AFF3: variants seen among roughly 807,000 people sequenced by gnomAD.
AFF3 encodes the protein AF4/FMR2 family member 3.
A neutral mutation model predicts 129.7 loss-of-function variants in AFF3; 32 were observed. The ratio of observed to expected loss-of-function variants is 0.25; its 90% CI spans 0.19 to 0.33. The LOEUF (loss-of-function observed/expected upper bound fraction) is 0.33, where lower values mean the gene tolerates loss of function less well. Among genes scored for constraint, AFF3 ranks in the 10% least tolerant of loss-of-function variants. AFF3 has a pLI of 1.00. For missense variants in AFF3, 1,373 were observed against 1,592.0 expected, an observed-to-expected ratio of 0.86 and a Z score of 2.34; for synonymous variants, 644 against 635.4, an observed-to-expected ratio of 1.01 and a Z score of -0.20.
intron 4 of AFF3, among the ~76,000 whole-genome samples, chr2:100,021,511 T>C (rs1683600288): frequency 1.3e-5 from 2 of 152,250 alleles, no homozygotes; most frequent in South Asian, 4.1e-4. Context: ...TCCTGAGTCC[T>C]ACATTTTATT....
chr2:99,762,326 T>C (rs1682685044), intron 8 of AFF3, among the ~76,000 whole-genome samples: 1 of 152,116 alleles, frequency 6.6e-6, no homozygotes, highest in Non-Finnish European at 1.5e-5. Flanking sequence ...GGTTTCACCA[T>C]GTTGGCCAGG....
At chr2:100,090,978 C>T (rs1689809292) in intron 4 of AFF3, among the ~76,000 whole-genome samples, 1 of 152,216 alleles carries the variant, frequency 6.6e-6, no homozygotes, top group African/African-American at 2.4e-5. Context: ...GCGTGAGCCA[C>T]CACGCCCAGC....
At chr2:99,795,596 A>G (rs889438978) in intron 8 of AFF3, among the ~76,000 whole-genome samples, 1 of 152,136 alleles carries the variant, frequency 6.6e-6, no homozygotes, top group African/African-American at 2.4e-5. Flanking sequence ...TGATCACAGG[A>G]AAACTAGCAC....
At chr2:99,880,933 C>T (rs1216879007) in intron 7 of AFF3, among the ~76,000 whole-genome samples, 5 of 152,166 alleles carry the variant, frequency 3.3e-5, no homozygotes, top group Non-Finnish European at 7.3e-5. Flanking sequence ...CCGCAAGTCC[C>T]ACTTGGTTCA....
chr2:100,023,639 G>T (rs1683780786), intron 4 of AFF3, among the ~76,000 whole-genome samples: 3 of 152,082 alleles, frequency 2.0e-5, no homozygotes, highest in African/African-American at 7.2e-5. Flanking sequence ...CATTGTGCCA[G>T]AAATGAGAAG....
chr2:100,103,729 GT>G (rs1011790257), intron 4 of AFF3, among the ~76,000 whole-genome samples: 1 of 152,020 alleles, frequency 6.6e-6, no homozygotes, highest in African/African-American at 2.4e-5. Context: ...GGGCGCCCGG[GT>G]GGGGTGGGGA....
chr2:99,969,164 T>C (rs1470901744), intron 7 of AFF3, among the ~76,000 whole-genome samples: 1 of 152,220 alleles, frequency 6.6e-6, no homozygotes, highest in Non-Finnish European at 1.5e-5. Flanking sequence ...GGAGGTGCAC[T>C]GCCCCAGCAC....
intron 12 of AFF3, among the ~76,000 whole-genome samples, chr2:99,656,420 T>C (rs544024604): frequency 1.3e-5 from 2 of 152,326 alleles, no homozygotes; most frequent in South Asian, 4.1e-4. Context: ...GATAGGACAT[T>C]GTATCCATAT....
At chr2:100,107,495 G>T (rs2105516122) in intron 2 of AFF3, 1 of 985,288 alleles carries the variant, frequency 1.0e-6, no homozygotes, top group Non-Finnish European at 1.2e-6. Context: ...AAATAAAAAT[G>T]TTAGAGTGAT....
rs13383250 is a variant in AFF3, at chr2:99,962,390, C to A, written c.873+44242G>T. ...AAAAATCACCCATCATACCAAGAACCAGGAAAATCACAACCTGAATGGGAA... is the reference window on the plus strand; with the variant it reads ...AAAAATCACCCATCATACCAAGAACAAGGAAAATCACAACCTGAATGGGAA... On this transcript the variant is annotated intron_variant, in intron 7 of 24. Coordinates refer to ENST00000672756, the MANE Select transcript of AFF3 (RefSeq NM_001386135.1). 4.8e-3 allele frequency among the ~76,000 whole-genome samples: 733 copies of A among 152,182 alleles called. 4 individuals are homozygous for A. Among genetic ancestry groups the A allele is most frequent in the African/African-American group, 0.017 (701 of 41,498 alleles).
intron 8 of AFF3, among the ~76,000 whole-genome samples, chr2:99,818,782 C>T (rs1351324278): frequency 6.6e-6 from 1 of 152,110 alleles, no homozygotes; most frequent in East Asian, 1.9e-4. Flanking sequence ...CAAAATAAAT[C>T]TTTAGAAATA....
rs113337587 is a variant in AFF3 at position 99,971,522 on chromosome 2, C to A, written c.873+35110G>T. On this transcript the variant is annotated intron_variant, in intron 7 of 24. Transcript: ENST00000672756. ...TTCCAAAGCCACAACCCACAACCCA[C>A]TACTCCTAAATGTAAATGTCATAAC... is the stretch of plus-strand genomic sequence containing the variant. 1.9e-3 allele frequency among the ~76,000 whole-genome samples: 287 copies of A among 152,312 alleles called. 1 individual carries two copies. Among genetic ancestry groups the A allele is most frequent in the South Asian group, 3.3e-3 (16 of 4,830 alleles).
chr2:99,943,753 G>A (rs1469606666), intron 7 of AFF3, among the ~76,000 whole-genome samples: 1 of 152,086 alleles, frequency 6.6e-6, no homozygotes, highest in Non-Finnish European at 1.5e-5. Context: ...TTTCTATTAA[G>A]CCTCCACTCA....
chr2:100,127,538 T>G (rs1391170062), intron 2 of AFF3, among the ~76,000 whole-genome samples: 1 of 152,216 alleles, frequency 6.6e-6, no homozygotes, highest in African/African-American at 2.4e-5. Flanking sequence ...GGTCCTGTTT[T>G]GCCTGACCTC....
chr2:100,050,256 T>C (rs1686189975), intron 4 of AFF3, among the ~76,000 whole-genome samples: 2 of 152,108 alleles, frequency 1.3e-5, no homozygotes, highest in South Asian at 2.1e-4. Flanking sequence ...TCTCAAAATA[T>C]TTAGTCACAA....
At chr2:99,633,617 G>A (rs928052507) in intron 13 of AFF3, among the ~76,000 whole-genome samples, 2 of 152,146 alleles carry the variant, frequency 1.3e-5, no homozygotes, top group Non-Finnish European at 2.9e-5. Flanking sequence ...TGGCTGTGGT[G>A]GATCCCTCAT....
At chr2:99,980,389 C>T (rs1011799522) in intron 7 of AFF3, among the ~76,000 whole-genome samples, 5 of 152,160 alleles carry the variant, frequency 3.3e-5, no homozygotes, top group African/African-American at 1.2e-4. Flanking sequence ...CATGAGCTGG[C>T]AGTTAGAGAC....
chr2:100,046,570 A>C (rs1685852854), intron 4 of AFF3, among the ~76,000 whole-genome samples: 1 of 152,204 alleles, frequency 6.6e-6, no homozygotes, highest in African/African-American at 2.4e-5. Context: ...TTTCCCATTT[A>C]TAAAATGCAA....
intron 7 of AFF3, among the ~76,000 whole-genome samples, chr2:99,938,067 T>C (rs1674691473): frequency 6.6e-6 from 1 of 152,174 alleles, no homozygotes; most frequent in South Asian, 2.1e-4. Flanking sequence ...GAGCCTCAGC[T>C]TTCCATCAGT....
Sources: gnomAD v4.1 joint callset for allele counts (sites outside exome capture counted in the v4.1 genomes callset) on GRCh38, gnomAD v4.1.1 for gene constraint, MANE v1.5 for transcripts, NCBI Gene and HGNC (gene_info 2026-07-23, HGNC 2026-07-21) for gene names.